The following HCN4 variants were observed in gnomAD, a reference collection of about 807,000 sequenced individuals.
HCN4 encodes the protein potassium/sodium hyperpolarization-activated cyclic nucleotide-gated channel 4.
Under a neutral mutation model 76.9 loss-of-function variants are expected in HCN4, and 29 were observed. The ratio of observed to expected loss-of-function variants is 0.38; its 90% CI spans 0.28 to 0.51. The LOEUF (loss-of-function observed/expected upper bound fraction) is 0.51, where lower values mean the gene tolerates loss of function less well. Among genes scored for constraint, HCN4 ranks in the 20% least tolerant of loss-of-function variants. The pLI, the probability that HCN4 is intolerant of heterozygous loss-of-function variation, is 0.90. For missense variants in HCN4, 1,416 were observed against 1,715.2 expected (o/e 0.83, Z 3.08); for synonymous variants, 772 against 762.5 (o/e 1.01, Z -0.21).
rs964322817 is a variant in HCN4 at position 73,328,882 on chromosome 15, C to T, written c.1590+691G>A. Among the ~76,000 whole-genome samples, 8 of 152,098 alleles carry T rather than the reference C, an allele frequency of 5.3e-5. No homozygotes were observed. The highest frequency in any genetic ancestry group is 4.1e-4 in the South Asian group (2 of 4,824). ...GCCAGGGATGGCTCCTAGTCTCTGG[C>T]CTGGGCATCTGGGAAGAGCAGAGAC... is the stretch of plus-strand genomic sequence containing the variant. On this transcript the variant is annotated intron_variant, in intron 4 of 7. Coordinates refer to ENST00000261917, the MANE Select transcript of HCN4 (RefSeq NM_005477.3). The surrounding 1 kb of genome is among the most constrained non-coding windows in gnomAD (Gnocchi z 4.0).
intron 4 of HCN4, among the ~76,000 whole-genome samples, chr15:73,327,460 C>T (rs1460010156): frequency 1.3e-5 from 2 of 151,988 alleles, no homozygotes; most frequent in African/African-American, 2.4e-5. Context: ...AGACTAAAAC[C>T]TAGCCTTGAT....
Position 73,332,304 on chromosome 15 carries a change from G to A in HCN4, c.1210-12C>T, listed in dbSNP as rs755303878. The A allele has an allele frequency of 1.1e-5, 17 of 1,614,006 alleles. No homozygotes were observed. Among genetic ancestry groups the A allele is most frequent in the East Asian group, 2.2e-5 (1 of 44,880 alleles). On this transcript the variant is annotated splice_polypyrimidine_tract_variant and intron_variant, in intron 2 of 7. Coordinates refer to ENST00000261917, the MANE Select transcript of HCN4 (RefSeq NM_005477.3). ...GTCATGTGGAAGATCTGCCAGCAGA[G>A]GAGGAGAAATTGGCTGGGATAGGTG...
At chr15:73,351,355 C>T in intron 1 of HCN4, among the ~76,000 whole-genome samples, 1 of 152,170 alleles carries the variant, frequency 6.6e-6, no homozygotes, top group East Asian at 1.9e-4. Flanking sequence ...CTCTCTTGAA[C>T]TGTAAACCCA....
At chr15:73,338,373 C>T (rs932621649) in intron 2 of HCN4, among the ~76,000 whole-genome samples, 2 of 152,230 alleles carry the variant, frequency 1.3e-5, no homozygotes, top group Admixed American at 1.3e-4. Context: ...CTCACTCTGC[C>T]ACACATGGAA....
intron 3 of HCN4, among the ~76,000 whole-genome samples, chr15:73,330,632 G>A (rs1414640085): frequency 6.6e-6 from 1 of 152,158 alleles, no homozygotes; most frequent in Non-Finnish European, 1.5e-5. Flanking sequence ...CTGCTCACAG[G>A]GCAGATGCAT....
At chr15:73,326,785 A>ATT (rs200715507) in intron 4 of HCN4, among the ~76,000 whole-genome samples, 14 of 148,306 alleles carry the variant, frequency 9.4e-5, no homozygotes, top group Non-Finnish European at 1.7e-4. Flanking sequence ...TTATTTATTT[A>ATT]TTTATTTATT....
At chr15:73,360,417 T>A (rs369735938) in intron 1 of HCN4, among the ~76,000 whole-genome samples, 4 of 152,222 alleles carry the variant, frequency 2.6e-5, no homozygotes, top group African/African-American at 9.6e-5. Flanking sequence ...AGCGGCTTGC[T>A]AAGGCCTCTC....
Position 73,332,138 on chromosome 15 carries a change from T to C in HCN4, c.1364A>G (p.Asn455Ser), listed in dbSNP as rs1198027034. 1 of 1,613,744 alleles carries C rather than the reference T, an allele frequency of 6.2e-7. No homozygotes were observed. The highest frequency in any genetic ancestry group is 1.3e-5 in the African/African-American group (1 of 74,896). ...FPDDCWVSIN[N>S]MVNNSWGKQY... ...CGGGCTGGGCGCACTCACCACCATG[T>C]TGTTGATGGACACCCAGCAGTCGTC... The change falls in exon 3 of 8, where the codon AAC (asparagine) becomes AGC (serine). Residue 455 changes from asparagine (N) to serine (S), a missense_variant. By Grantham distance (46) the Asn-to-Ser change is conservative. Transcript: ENST00000261917.
In HCN4 at chr15:73,329,626, C is replaced by T. The variant is rs2042920930; in HGVS notation, c.1537G>A (p.Ala513Thr). 1.9e-6 allele frequency: 3 copies of T among 1,614,030 alleles called. No individual in the cohort carries two copies. Among genetic ancestry groups the T allele is most frequent in the Admixed American group, 1.7e-5 (1 of 60,006 alleles). Residue 513 changes from alanine to threonine, a missense_variant, in exon 4 of 8, where the codon GCC becomes ACC. Physicochemically the swap from Ala to Thr is moderately conservative, Grantham distance 58. Around this residue, in one of 6 missense-constraint regions of HCN4, gnomAD observed 112 missense variants for 259.9 expected, o/e 0.43. Coordinates refer to ENST00000261917, the MANE Select transcript of HCN4 (RefSeq NM_005477.3). ...ATCYAMFIGH[A>T]TALIQSLDSS... is the part of the protein sequence containing the mutation. Reference sequence around the variant, plus strand: ...TCCAGGGACTGGATGAGGGCAGTGGCGTGGCCAATGAACATGGCGTAGCAG... The same window carrying T: ...TCCAGGGACTGGATGAGGGCAGTGGTGTGGCCAATGAACATGGCGTAGCAG...
rs764050400 is a variant in HCN4 at position 73,343,640 on chromosome 15, G to A, written c.954C>T (p.Ile318=). 107 of 1,614,020 alleles carry A rather than the reference G, an allele frequency of 6.6e-5. 1 individual carries two copies. The highest frequency in any genetic ancestry group is 3.3e-4 in the Middle Eastern group (2 of 6,084). The change falls in exon 2 of 8, where the codon ATC becomes ATT. Residue 318 remains isoleucine, a synonymous_variant. Coordinates refer to ENST00000261917, the MANE Select transcript of HCN4 (RefSeq NM_005477.3). The surrounding 1 kb of genome is among the most constrained non-coding windows in gnomAD (Gnocchi z 5.7). ...IDLVLNFRTG[I]VVEDNTEIIL... ...TGATCTCTGTGTTGTCCTCCACCAC[G>A]ATCCCTGTGCGGAAGTTGAGGACCA...
At position 73,322,898 on chromosome 15, in the gene HCN4, G is replaced by C. The variant is rs4493011; in HGVS notation, c.3195C>G (p.Val1065=). The C allele has an allele frequency of 2.8e-6, 4 of 1,426,520 alleles. No individual in the cohort carries two copies. Among genetic ancestry groups the C allele is most frequent in the Middle Eastern group, 2.0e-4 (1 of 5,022 alleles). The allele number at this position is 1,426,520 out of a possible 1,614,324, so 88.4% of individuals were successfully genotyped here. The change falls in exon 8 of 8, where the codon GTC becomes GTG. Residue 1065 remains valine, a synonymous_variant. Transcript: ENST00000261917. ...GCGGGGGTGTGCCCCGGCGCTGGGG[G>C]ACCTGGGGTGGTGGGGGGCTGGATG... ...PPASSPPPPQ[V]PQRRGTPPLT...
At position 73,324,402 on chromosome 15, in the gene HCN4, C is replaced by T. The variant is rs903605133; in HGVS notation, c.1979-149G>A. ...CCCCAGACTGCGGCCACACTGGATG[C>T]CTCTTCCCCACCAAATGGGGGCTGG... On this transcript the variant is annotated intron_variant, in intron 6 of 7. Transcript: ENST00000261917. 3.7e-6 allele frequency: 3 copies of T among 807,172 alleles called. No homozygotes were observed. The African/African-American group carries it at 5.1e-5, about 14-fold the overall frequency. 50.0% of individuals were successfully genotyped at this position (807,172 alleles called of 1,614,324 possible).
At chr15:73,329,218 A>G (rs77072461) in intron 4 of HCN4, among the ~76,000 whole-genome samples, 3 of 152,166 alleles carry the variant, frequency 2.0e-5, no homozygotes, top group Non-Finnish European at 2.9e-5. Context: ...CAACACCGCG[A>G]GAGTGCGGTC....
intron 2 of HCN4, among the ~76,000 whole-genome samples, chr15:73,334,314 G>T (rs1214739686): frequency 1.3e-5 from 2 of 152,160 alleles, no homozygotes; most frequent in Non-Finnish European, 2.9e-5. Context: ...CTGGGACACA[G>T]AGCAGATCTG....
intron 1 of HCN4, among the ~76,000 whole-genome samples, chr15:73,364,269 C>T (rs1406670673): frequency 6.6e-6 from 1 of 152,136 alleles, no homozygotes; most frequent in East Asian, 1.9e-4. Context: ...CCAGCTTCCA[C>T]ATCCACCCAC....
intron 3 of HCN4, 29 bp downstream of exon 3, chr15:73,332,102 A>G (rs1387438800): frequency 1.1e-5 from 17 of 1,611,324 alleles, no homozygotes; most frequent in Non-Finnish European, 1.4e-5. Context: ...CCTATGGCCC[A>G]GAGAGAGGAC....
chr15:73,347,905 C>T (rs1268095426), intron 1 of HCN4, among the ~76,000 whole-genome samples: 5 of 152,178 alleles, frequency 3.3e-5, no homozygotes, highest in Admixed American at 3.3e-4. Flanking sequence ...CTGGGAGCCC[C>T]AGCAGCCCCA....
At chr15:73,337,734 A>G (rs895227957) in intron 2 of HCN4, among the ~76,000 whole-genome samples, 3 of 152,170 alleles carry the variant, frequency 2.0e-5, no homozygotes, top group African/African-American at 4.8e-5. Context: ...AATGGTGGTC[A>G]GCAGGGCTCC....
Position 73,367,434 on chromosome 15 carries a change from C to T in HCN4, c.785+52G>A. 6.2e-7 allele frequency: 1 copy of T among 1,610,546 alleles called. No homozygotes were observed. Among genetic ancestry groups the T allele is most frequent in the Non-Finnish European group, 8.5e-7 (1 of 1,179,320 alleles). On this transcript the variant is annotated intron_variant, in intron 1 of 7. Transcript: ENST00000261917. The surrounding 1 kb of genome is among the most constrained non-coding windows in gnomAD (Gnocchi z 7.5). The stretch of plus-strand genomic sequence containing the variant: ...GCTGGGAGGCAGGGTCAGGAGGAGG[C>T]ATGCCTGCCACCGCGCAGGGCACCC...
Sources: allele counts gnomAD v4.1 joint callset (sites outside exome capture counted in the v4.1 genomes callset), GRCh38; gene constraint gnomAD v4.1.1; regional missense constraint gnomAD v4.1.1; non-coding constraint Gnocchi (gnomAD v3.1); transcripts MANE v1.5; gene names NCBI Gene and HGNC (gene_info 2026-07-23, HGNC 2026-07-21).